Variants in ALPK3 observed in about 807,000 individuals in gnomAD.
ALPK3 encodes alpha kinase 3.
ALPK3 carries 102 observed loss-of-function variants against 140.0 expected under a neutral mutation model. The observed-to-expected ratio is 0.73, with a 90% confidence interval of 0.62 to 0.86. The LOEUF (loss-of-function observed/expected upper bound fraction) is 0.86. ALPK3 is among the 40% of genes least tolerant of loss of function. ALPK3 has a pLI of 0.00. For synonymous variants in ALPK3, 938 were observed against 898.5 expected (o/e 1.04, Z -0.79); for missense variants, 2,254 against 2,208.2 (o/e 1.02, Z -0.42).
intron 12 of ALPK3, among the ~76,000 whole-genome samples, chr15:84,865,475 T>A (rs1963992564): frequency 6.6e-6 from 1 of 152,150 alleles, no homozygotes; most frequent in Non-Finnish European, 1.5e-5. Flanking sequence ...GAGGGCGGGC[T>A]AGGTAACATT....
At chr15:84,830,864 A>G (rs1963538741) in intron 3 of ALPK3, among the ~76,000 whole-genome samples, 1 of 146,030 alleles carries the variant, frequency 6.8e-6, no homozygotes, top group Non-Finnish European at 1.6e-5. Context: ...CACCCAACTT[A>G]TTTTGTGTGT....
chr15:84,827,388 G>T, intron 2 of ALPK3, 96 bp from the exon 3 acceptor site: 2 of 1,541,268 alleles, frequency 1.3e-6, no homozygotes, highest in Non-Finnish European at 1.8e-6. Flanking sequence ...CAGGAAGATG[G>T]GCAGGCATGG....
intron 3 of ALPK3, among the ~76,000 whole-genome samples, chr15:84,835,694 G>T (rs1596148406): frequency 6.6e-6 from 1 of 152,164 alleles, no homozygotes; most frequent in African/African-American, 2.4e-5. Context: ...GGGGAAGCGG[G>T]AGATCAGAGG....
chr15:84,865,594 T>A (rs1242845385), intron 12 of ALPK3, among the ~76,000 whole-genome samples: 1 of 152,228 alleles, frequency 6.6e-6, no homozygotes, highest in African/African-American at 2.4e-5. Flanking sequence ...ATTAGGAATG[T>A]CATCGTCCTC....
At position 84,839,115 on chromosome 15, in the gene ALPK3, G is replaced by C; in HGVS notation, c.422+18G>C. ...CTGTACAGGTGAGGGAGAAGGGCCTGTTTTGCTCTCTCTGCCCTCCCGAGG... is the reference window on the plus strand; with the variant it reads ...CTGTACAGGTGAGGGAGAAGGGCCTCTTTTGCTCTCTCTGCCCTCCCGAGG... On this transcript the variant is annotated intron_variant, in intron 4 of 13. Coordinates refer to ENST00000258888, the MANE Select transcript of ALPK3 (RefSeq NM_020778.5). The C allele has an allele frequency of 6.3e-7, 1 of 1,592,020 alleles. No homozygotes were observed. Among genetic ancestry groups the C allele is most frequent in the Non-Finnish European group, 8.6e-7 (1 of 1,167,192 alleles).
chr15:84,839,569 G>A (rs866028439), intron 4 of ALPK3, 133 bp from the exon 5 acceptor site: 2 of 982,426 alleles, frequency 2.0e-6, no homozygotes, highest in Middle Eastern at 3.3e-4. Context: ...CGTGTGAGAT[G>A]GGGCGTAGCA....
intron 5 of ALPK3, among the ~76,000 whole-genome samples, chr15:84,853,977 C>T (rs1201872197): frequency 4.6e-5 from 7 of 151,966 alleles, no homozygotes. Flanking sequence ...GGCAAGACCC[C>T]ATCTCTAATT....
Position 84,864,524 on chromosome 15 carries a change from G to GA in ALPK3, c.4583dup (p.Ser1529ValfsTer11). On this transcript the variant is annotated frameshift_variant, in exon 12 of 14. Transcript: ENST00000258888. LOFTEE classifies it high-confidence loss of function. ...GGAGGAAGACCTGGGCAAGCCCCTG[G>GA]AGTCTTACTGTTCTCGGGAATGGGG... The GA allele has an allele frequency of 1.9e-6, 3 of 1,614,180 alleles. No homozygotes were observed. The highest frequency in any genetic ancestry group is 2.5e-6 in the Non-Finnish European group (3 of 1,180,030).
chr15:84,864,159 C>T (rs1266553150), intron 11 of ALPK3, among the ~76,000 whole-genome samples: 2 of 152,190 alleles, frequency 1.3e-5, no homozygotes, highest in Non-Finnish European at 2.9e-5. Flanking sequence ...ACATACATGC[C>T]TCAATCCCTC....
chr15:84,866,681 T>C (rs1964006817), intron 12 of ALPK3, among the ~76,000 whole-genome samples: 1 of 152,272 alleles, frequency 6.6e-6, no homozygotes, highest in Non-Finnish European at 1.5e-5. Flanking sequence ...AAGACCATCT[T>C]GGCTTCTTGC....
chr15:84,828,592 G>T (rs916974122), intron 3 of ALPK3, among the ~76,000 whole-genome samples: 1 of 152,204 alleles, frequency 6.6e-6, no homozygotes, highest in Non-Finnish European at 1.5e-5. Context: ...CCAGTAAACA[G>T]CTTCTCACTT....
chr15:84,823,263 C>A, intron 1 of ALPK3, 67 bp from the exon 2 acceptor site: 1 of 1,570,114 alleles, frequency 6.4e-7, no homozygotes, highest in Non-Finnish European at 8.8e-7. Flanking sequence ...TAGTTTGCGA[C>A]TGTTGATTTC....
chr15:84,861,316 T>C (rs1269810925), intron 9 of ALPK3, among the ~76,000 whole-genome samples: 1 of 152,242 alleles, frequency 6.6e-6, no homozygotes, highest in Non-Finnish European at 1.5e-5. Context: ...AAATGCTTCT[T>C]CCAAATTGGT....
In ALPK3 at chr15:84,840,297, C is replaced by T; in HGVS notation, c.1018C>T (p.Arg340Cys). 1 of 1,614,022 alleles carries T rather than the reference C, an allele frequency of 6.2e-7. No homozygotes were observed. Reference protein sequence around the residue: ...PELEKAAQSRRSSENCIPSSD... With the variant: ...PELEKAAQSRCSSENCIPSSD... ...GTTAGAGAAGGCAGCCCAAAGCCGC[C>T]GTTCTTCAGAAAACTGCATCCCCAG... The change falls in exon 5 of 14, where the codon CGT becomes TGT. Residue 340 changes from arginine (R) to cysteine (C), a missense_variant. Physicochemically the swap from Arg to Cys is radical, Grantham distance 180. Transcript: ENST00000258888.
At chr15:84,823,490 G>A in intron 2 of ALPK3, 122 bp downstream of exon 2, 2 of 1,136,038 alleles carry the variant, frequency 1.8e-6, no homozygotes, top group Admixed American at 3.8e-5. Flanking sequence ...GAGCTGGAGG[G>A]TGGGTGGGGA....
In ALPK3 at chr15:84,872,203, C is replaced by G. The variant is rs1964081254; in HGVS notation, c.*3747C>G. 1 of 152,276 alleles carries G rather than the reference C, an allele frequency of 6.6e-6. No homozygotes were observed. Among genetic ancestry groups the G allele is most frequent in the Non-Finnish European group, 1.5e-5 (1 of 68,060 alleles). The allele number at this position is 152,276 out of a possible 1,614,324, so 9.4% of individuals were successfully genotyped here. A position where few individuals can be genotyped will look rare whatever the true frequency, so the allele number is the denominator to read the frequency against. ...AGTGTGCCAGGGCCAAGTGTTCAGG[C>G]TCTCCCAGAGCCCAGTGGTGAGCCA... On this transcript the variant is annotated 3_prime_UTR_variant, in exon 14 of 14. Transcript: ENST00000258888.
rs886510640 is a variant in ALPK3, at chr15:84,821,219, T to C, written c.144-2111T>C. On this transcript the variant is annotated intron_variant, in intron 1 of 13. Coordinates refer to ENST00000258888, the MANE Select transcript of ALPK3 (RefSeq NM_020778.5). ...TCCCACCTTCTGAAGACCAGGTGCC[T>C]CCATTAGTTCAGGGTTTCTCCTGAC... is the stretch of plus-strand genomic sequence containing the variant. 4.6e-5 allele frequency among the ~76,000 whole-genome samples: 7 copies of C among 152,242 alleles called. No homozygotes were observed. In the South Asian group the frequency reaches 1.5e-3, roughly 32 times the overall value.
intron 5 of ALPK3, among the ~76,000 whole-genome samples, chr15:84,848,591 AATT>A (rs1276758538): frequency 6.6e-6 from 1 of 152,184 alleles, no homozygotes; most frequent in East Asian, 1.9e-4. Flanking sequence ...CAAATAGTAA[AATT>A]ATTGAGTAAA....
At chr15:84,850,914 A>ACACACACACACC (rs1434291716) in intron 5 of ALPK3, among the ~76,000 whole-genome samples, 83 of 149,346 alleles carry the variant, frequency 5.6e-4, no homozygotes, top group African/African-American at 2.0e-3. Context: ...ACACACACAC[A>ACACACACACACC]CCCTCTGTCA....
Sources: allele counts gnomAD v4.1 joint callset (sites outside exome capture counted in the v4.1 genomes callset), GRCh38; gene constraint gnomAD v4.1.1; transcripts MANE v1.5; gene names NCBI Gene and HGNC (gene_info 2026-07-23, HGNC 2026-07-21).